HTR1F: variants seen among roughly 807,000 people sequenced by gnomAD.
HTR1F encodes the protein 5-hydroxytryptamine (serotonin) receptor 1F, G protein-coupled.
HTR1F carries 17 observed loss-of-function variants against 24.0 expected under a neutral mutation model. The observed-to-expected ratio is 0.71, with a 90% CI of 0.48 to 1.06. HTR1F has a LOEUF of 1.06. Among genes scored for constraint, HTR1F ranks in the 50% least tolerant of loss-of-function variants. HTR1F has a pLI of 0.00. For missense variants in HTR1F, 391 were observed against 427.8 expected (o/e 0.91, Z 0.76); for synonymous variants, 186 against 156.8 (o/e 1.19, Z -1.39).
At position 87,991,282 on chromosome 3, in the gene HTR1F, A is replaced by C. The variant is rs768758360; in HGVS notation, c.533A>C (p.His178Pro). 6 of 1,614,050 alleles carry C rather than the reference A, an allele frequency of 3.7e-6. No homozygotes were observed. The South Asian group carries it at 5.5e-5, about 15-fold the overall frequency. ...GATGAATGCATCATCAAGCACGACC[A>C]CATTGTTTCCACCATTTACTCAACA... ...RDDECIIKHD[H>P]IVSTIYSTFG... The change falls in exon 3 of 3, where the codon CAC (histidine) becomes CCC (proline). Residue 178 changes from histidine (H) to proline (P), a missense_variant. By Grantham distance (77) the His-to-Pro change is moderately conservative (BLOSUM62 -2). Coordinates refer to ENST00000319595, the MANE Select transcript of HTR1F (RefSeq NM_001322209.2).
chr3:87,933,910 A>G (rs1032230949), intron 2 of HTR1F, among the ~76,000 whole-genome samples: 4 of 152,204 alleles, frequency 2.6e-5, no homozygotes, highest in African/African-American at 9.6e-5. Context: ...GCCTATAATG[A>G]GAAGATAAGA....
At chr3:87,964,060 C>A (rs534730344) in intron 2 of HTR1F, among the ~76,000 whole-genome samples, 208 of 152,238 alleles carry the variant, frequency 1.4e-3, no homozygotes, top group Non-Finnish European at 2.6e-3. Context: ...AAACTAGTGT[C>A]TTTTTCCTCT....
intron 2 of HTR1F, among the ~76,000 whole-genome samples, chr3:87,847,547 A>G (rs957846310): frequency 4.0e-5 from 6 of 151,746 alleles, no homozygotes; most frequent in Non-Finnish European, 5.9e-5. Flanking sequence ...TATCATTGCA[A>G]GTTCCTCTCT....
intron 1 of HTR1F, among the ~76,000 whole-genome samples, chr3:87,794,476 C>G (rs1488238181): frequency 1.3e-5 from 2 of 152,174 alleles, no homozygotes; most frequent in African/African-American, 4.8e-5. Flanking sequence ...GTTTCTAGAA[C>G]AAATTTTACA....
intron 2 of HTR1F, among the ~76,000 whole-genome samples, chr3:87,841,914 A>AAG (rs1200972776): frequency 5.2e-5 from 6 of 116,382 alleles, no homozygotes; most frequent in Non-Finnish European, 8.0e-5. Flanking sequence ...AAAAAAAAAA[A>AAG]AAGAAAAAGA....
rs542040162 is a variant in HTR1F, at chr3:87,985,515, T to G, written c.-42-5193T>G. 3.3e-5 allele frequency among the ~76,000 whole-genome samples: 5 copies of G among 152,352 alleles called. No homozygotes were observed. The East Asian group carries it at 9.6e-4, about 29-fold the overall frequency. On this transcript the variant is annotated intron_variant, in intron 2 of 2. Coordinates refer to ENST00000319595, the MANE Select transcript of HTR1F (RefSeq NM_001322209.2). ...ATTAAACATCTGTGCTTCAGTTATC[T>G]TATCTATGAAAAGAAAGACAATAAT...
At chr3:87,978,910 AAGGAAGG>A (rs1705461035) in intron 2 of HTR1F, among the ~76,000 whole-genome samples, 1 of 103,122 alleles carries the variant, frequency 9.7e-6, no homozygotes, top group Non-Finnish European at 2.0e-5. Context: ...GGAAGGAAGG[AAGGAAGG>A]AAGGAAGGAA....
chr3:87,969,310 A>G (rs1705236923), intron 2 of HTR1F, among the ~76,000 whole-genome samples: 1 of 152,158 alleles, frequency 6.6e-6, no homozygotes, highest in Non-Finnish European at 1.5e-5. Flanking sequence ...AGCCACAGAC[A>G]CTCAATGTCA....
At chr3:87,888,462 TATA>T (rs1200747740) in intron 2 of HTR1F, among the ~76,000 whole-genome samples, 1 of 151,848 alleles carries the variant, frequency 6.6e-6, no homozygotes, top group Non-Finnish European at 1.5e-5. Context: ...GAACTTAAAG[TATA>T]ATAAAAAATA....
intron 2 of HTR1F, among the ~76,000 whole-genome samples, chr3:87,880,650 G>GTC (rs1298890820): frequency 2.3e-4 from 24 of 105,946 alleles, no homozygotes; most frequent in African/African-American, 1.1e-3. Context: ...GTTTGTTTGT[G>GTC]TGTGTGTGTG....
At chr3:87,834,681 C>A (rs1704648325) in intron 2 of HTR1F, among the ~76,000 whole-genome samples, 3 of 152,126 alleles carry the variant, frequency 2.0e-5, no homozygotes, top group South Asian at 4.1e-4. Context: ...AGGACCAAAT[C>A]CATCCTGCTG....
intron 2 of HTR1F, among the ~76,000 whole-genome samples, chr3:87,935,364 A>C (rs192979501): frequency 6.6e-6 from 1 of 152,138 alleles, no homozygotes; most frequent in African/African-American, 2.4e-5. Context: ...GCTCTTTAAG[A>C]GTCAATTTCA....
intron 2 of HTR1F, among the ~76,000 whole-genome samples, chr3:87,894,559 CTTT>C (rs35190252): frequency 1.2e-4 from 9 of 74,658 alleles, no homozygotes; most frequent in African/African-American, 4.3e-4. Flanking sequence ...TGCCCAGCCT[CTTT>C]TTTTTTTTTT....
At chr3:87,871,775 G>T (rs1705563896) in intron 2 of HTR1F, among the ~76,000 whole-genome samples, 1 of 152,044 alleles carries the variant, frequency 6.6e-6, no homozygotes, top group Non-Finnish European at 1.5e-5. Context: ...AGCAAATATT[G>T]AATGGAAGGG....
chr3:87,952,029 G>T (rs1016153860), intron 2 of HTR1F, among the ~76,000 whole-genome samples: 21 of 151,892 alleles, frequency 1.4e-4, no homozygotes, highest in African/African-American at 5.1e-4. Context: ...CTGAATAATT[G>T]TCCATTGTCT....
At chr3:87,916,619 A>G (rs1223424230) in intron 2 of HTR1F, among the ~76,000 whole-genome samples, 1 of 152,188 alleles carries the variant, frequency 6.6e-6, no homozygotes, top group African/African-American at 2.4e-5. Flanking sequence ...AATGGTTAAA[A>G]GAGACAAAGA....
intron 2 of HTR1F, among the ~76,000 whole-genome samples, chr3:87,847,743 A>G (rs1704978049): frequency 1.3e-5 from 2 of 151,590 alleles, no homozygotes; most frequent in African/African-American, 2.4e-5. Flanking sequence ...TATTCTCTGT[A>G]TCCATAAGAT....
intron 2 of HTR1F, among the ~76,000 whole-genome samples, chr3:87,986,305 C>G (rs1318136590): frequency 1.3e-5 from 2 of 152,082 alleles, no homozygotes; most frequent in Non-Finnish European, 2.9e-5. Context: ...TAAAACCCAA[C>G]GCCATTGGTT....
intron 2 of HTR1F, among the ~76,000 whole-genome samples, chr3:87,940,361 C>T (rs1704538989): frequency 6.6e-6 from 1 of 152,098 alleles, no homozygotes; most frequent in South Asian, 2.1e-4. Flanking sequence ...AAATAATAGA[C>T]AAACAGGGAG....
Sources: gnomAD v4.1 joint callset for allele counts (sites outside exome capture counted in the v4.1 genomes callset) on GRCh38, gnomAD v4.1.1 for gene constraint, MANE v1.5 for transcripts, NCBI Gene and HGNC (gene_info 2026-07-23, HGNC 2026-07-21) for gene names.